Variants in KLF8 observed in about 807,000 individuals in gnomAD.
KLF8 encodes Krueppel-like factor 8.
Under a neutral mutation model 18.2 loss-of-function variants are expected in KLF8, and 10 were observed. The observed-to-expected ratio is 0.55, with a 90% CI of 0.34 to 0.93. The LOEUF (loss-of-function observed/expected upper bound fraction) is 0.93, where lower values mean the gene tolerates loss of function less well. KLF8 is among the 40% of genes least tolerant of loss of function. The probability of loss-of-function intolerance (pLI) is 0.02; values close to 1 mark genes in which losing one functional copy is unlikely to be tolerated. For synonymous variants in KLF8, 109 were observed against 97.3 expected (o/e 1.12, Z -0.71); for missense variants, 264 against 277.9 (o/e 0.95, Z 0.36).
the KLF8 span, among the ~76,000 whole-genome samples, chrX:56,023,760 G>T: frequency 9.0e-6 from 1 of 111,064 alleles, no homozygotes; most frequent in Non-Finnish European, 1.9e-5. Flanking sequence ...TTTTATGGAA[G>T]AAAATATTTT....
the KLF8 span, among the ~76,000 whole-genome samples, chrX:55,940,392 C>T: frequency 1.8e-5 from 2 of 111,568 alleles, no homozygotes; most frequent in East Asian, 5.6e-4. Flanking sequence ...ATAATAAGAG[C>T]TATCTATGAC....
the KLF8 span, among the ~76,000 whole-genome samples, chrX:56,183,051 A>G: frequency 1.8e-5 from 2 of 112,486 alleles, no homozygotes; most frequent in African/African-American, 6.5e-5. Flanking sequence ...TTATTCCGCT[A>G]TGCCCTGCCC....
chrX:55,933,543 G>A, the KLF8 span, among the ~76,000 whole-genome samples: 7 of 112,032 alleles, frequency 6.2e-5, no homozygotes, highest in Admixed American at 1.9e-4. Flanking sequence ...ATGATCCATT[G>A]ACCTTATATA....
chrX:56,248,659 C>T (rs984478629), intron 1 of KLF8, among the ~76,000 whole-genome samples: 2 of 111,550 alleles, frequency 1.8e-5, no homozygotes, highest in South Asian at 7.6e-4. Flanking sequence ...CTGGCAGCAA[C>T]AAAGAAAGCT....
the KLF8 span, among the ~76,000 whole-genome samples, chrX:56,117,686 C>A: frequency 8.9e-6 from 1 of 112,124 alleles, no homozygotes; most frequent in African/African-American, 3.2e-5. Context: ...CACATTGGAT[C>A]ATGTTTTTGA....
chrX:55,989,722 T>G, the KLF8 span, among the ~76,000 whole-genome samples: 1 of 112,287 alleles, frequency 8.9e-6, no homozygotes, highest in East Asian at 2.8e-4. Context: ...CCTCATCAAA[T>G]GAGTTAGGGA....
chrX:56,255,599 T>C (rs1464341897), intron 2 of KLF8, among the ~76,000 whole-genome samples: 2 of 112,202 alleles, frequency 1.8e-5, no homozygotes, highest in Non-Finnish European at 3.8e-5. Flanking sequence ...CCCCAGTTTT[T>C]TGAAGGGATG....
the KLF8 span, among the ~76,000 whole-genome samples, chrX:56,010,982 A>G: frequency 8.9e-6 from 1 of 112,361 alleles, no homozygotes; most frequent in Non-Finnish European, 1.9e-5. Context: ...AAATTCTTGG[A>G]GACCTATAAA....
chrX:56,287,812 CTGT>C lies in KLF8; in HGVS notation c.*3320_*3322del. ...TCATTTACCCCACACCCAGTTTCTCCTGTTATTAGCATCTCACATTAATATGTG... is the reference window on the plus strand; with the variant it reads ...TCATTTACCCCACACCCAGTTTCTCCTATTAGCATCTCACATTAATATGTG... On this transcript the variant is annotated 3_prime_UTR_variant, in exon 6 of 6. Coordinates refer to ENST00000468660, the MANE Select transcript of KLF8 (RefSeq NM_007250.5). The C allele has an allele frequency of 2.7e-5, 3 of 112,152 alleles. No individual in the cohort carries two copies. The highest frequency in any genetic ancestry group is 4.6e-3 in the Middle Eastern group (1 of 217). 9.2% of individuals were successfully genotyped at this position (112,152 alleles called of 1,213,427 possible).
the KLF8 span, among the ~76,000 whole-genome samples, chrX:56,023,796 A>G: frequency 8.9e-6 from 1 of 111,757 alleles, no homozygotes; most frequent in Non-Finnish European, 1.9e-5. Flanking sequence ...CCCCTTTTCA[A>G]AAATCTCAAC....
the KLF8 span, among the ~76,000 whole-genome samples, chrX:56,075,591 T>C: frequency 0.13 from 13,986 of 111,346 alleles, 1,610 homozygotes; most frequent in African/African-American, 0.37. Flanking sequence ...CATTGTGCTA[T>C]CAATTAGTAA....
the KLF8 span, among the ~76,000 whole-genome samples, chrX:56,198,751 T>C: frequency 1.8e-5 from 2 of 111,807 alleles, no homozygotes; most frequent in Non-Finnish European, 3.8e-5. Flanking sequence ...TTGAAGTCCA[T>C]ATGAAATGAA....
chrX:56,156,288 T>A, the KLF8 span, among the ~76,000 whole-genome samples: 4 of 111,895 alleles, frequency 3.6e-5, no homozygotes, highest in African/African-American at 1.3e-4. Context: ...GTTACATAGG[T>A]AAACTTGTGT....
chrX:56,250,257 G>A lies in KLF8; in HGVS notation c.34G>A (p.Glu12Lys). 8.3e-7 allele frequency: 1 copy of A among 1,206,983 alleles called. No homozygotes were observed. Among genetic ancestry groups the A allele is most frequent in the Non-Finnish European group, 1.1e-6 (1 of 891,519 alleles). The change falls in exon 2 of 6, where the codon GAG becomes AAG. Residue 12 changes from glutamate (E) to lysine (K), a missense_variant. Around this residue, in one of 2 missense-constraint regions of KLF8, gnomAD observed 221 missense variants for 193.6 expected, o/e 1.14. Coordinates refer to ENST00000468660, the MANE Select transcript of KLF8 (RefSeq NM_007250.5). ...VDMDKLINNL[E>K]VQLNSEGGSM... Reference sequence around the variant, plus strand: ...TATGGATAAACTCATAAACAACTTGGAGGTCCAACTTAATTCAGAAGGTGG... The same window carrying A: ...TATGGATAAACTCATAAACAACTTGAAGGTCCAACTTAATTCAGAAGGTGG...
chrX:56,052,802 G>A, the KLF8 span, among the ~76,000 whole-genome samples: 50 of 111,955 alleles, frequency 4.5e-4, no homozygotes, highest in Middle Eastern at 4.6e-3. Context: ...CCACCCAGTT[G>A]GAGCTTCCTG....
the KLF8 span, among the ~76,000 whole-genome samples, chrX:56,169,874 G>A: frequency 9.0e-6 from 1 of 111,068 alleles, no homozygotes; most frequent in Non-Finnish European, 1.9e-5. Flanking sequence ...GGCTCAAGTG[G>A]GCCTTGGTTT....
the KLF8 span, among the ~76,000 whole-genome samples, chrX:56,028,599 C>A: frequency 2.7e-5 from 3 of 111,527 alleles, no homozygotes; most frequent in African/African-American, 9.8e-5. Flanking sequence ...CGTACTGGAG[C>A]AAGACGCAGC....
chrX:55,952,219 G>C, the KLF8 span, among the ~76,000 whole-genome samples: 2 of 111,899 alleles, frequency 1.8e-5, no homozygotes, highest in Non-Finnish European at 3.8e-5. Flanking sequence ...TGTTGCCTAC[G>C]AACAGAGCCT....
the KLF8 span, among the ~76,000 whole-genome samples, chrX:56,192,625 G>T: frequency 3.5e-4 from 39 of 111,726 alleles, no homozygotes; most frequent in African/African-American, 1.2e-3. Context: ...CACATAGACC[G>T]GTGGAAAAGA....
Sources: allele counts gnomAD v4.1 joint callset (sites outside exome capture counted in the v4.1 genomes callset), GRCh38; gene constraint gnomAD v4.1.1; regional missense constraint gnomAD v4.1.1; transcripts MANE v1.5; gene names NCBI Gene and HGNC (gene_info 2026-07-23, HGNC 2026-07-21).